BLK: variants seen among roughly 807,000 people sequenced by gnomAD.
BLK encodes the protein tyrosine-protein kinase Blk.
BLK carries 64 observed loss-of-function variants against 61.8 expected under a neutral mutation model. That is an observed-to-expected ratio of 1.03 (90% CI 0.85 to 1.27). The LOEUF is 1.27. Ranked by LOEUF, BLK falls within the 50% of genes most tolerant of loss-of-function variation. The probability of loss-of-function intolerance (pLI) is 0.00; values close to 1 mark genes in which losing one functional copy is unlikely to be tolerated. For synonymous variants in BLK, 351 were observed against 272.0 expected, an observed-to-expected ratio of 1.29 and a Z score of -2.86; for missense variants, 853 against 660.5, an observed-to-expected ratio of 1.29 and a Z score of -3.19.
chr8:11,528,313 G>A (rs988356419), intron 1 of BLK, among the ~76,000 whole-genome samples: 4 of 152,134 alleles, frequency 2.6e-5, no homozygotes, highest in African/African-American at 9.7e-5. Flanking sequence ...TGGAATTACA[G>A]GCATGAGCCA....
intron 1 of BLK, among the ~76,000 whole-genome samples, chr8:11,517,933 G>A (rs1373899508): frequency 1.3e-5 from 2 of 152,192 alleles, no homozygotes; most frequent in African/African-American, 2.4e-5. Context: ...GGGCACCCCA[G>A]CCCTGTGCCC....
chr8:11,548,903 T>C lies in BLK; in HGVS notation c.270-121T>C. On this transcript the variant is annotated intron_variant, in intron 4 of 12. Transcript: ENST00000259089. ...ACAAGCCCCTTCCTGCCTGCCGTAC[T>C]CTCTACCCCTGCGGATTCTCTGCCC... 1.5e-5 allele frequency: 14 copies of C among 904,518 alleles called. 1 individual carries two copies. In the South Asian group the frequency reaches 2.0e-4, roughly 13 times the overall value. The allele number at this position is 904,518 out of a possible 1,614,324, so 56.0% of individuals were successfully genotyped here. A position where few individuals can be genotyped will look rare whatever the true frequency, so the allele number is the denominator to read the frequency against.
At chr8:11,556,169 G>A (rs543012209) in intron 8 of BLK, 12 of 230,284 alleles carry the variant, frequency 5.2e-5, no homozygotes, top group Non-Finnish European at 1.0e-4. Context: ...TGCCCTTCAG[G>A]GGACTTCATG....
chr8:11,514,417 C>T (rs940898857), intron 1 of BLK, among the ~76,000 whole-genome samples: 5 of 152,204 alleles, frequency 3.3e-5, no homozygotes, highest in Admixed American at 6.5e-5. Flanking sequence ...GCAAGAGCCC[C>T]GCAATGGCCT....
At chr8:11,535,883 C>T (rs562083202) in intron 1 of BLK, among the ~76,000 whole-genome samples, 2 of 152,308 alleles carry the variant, frequency 1.3e-5, no homozygotes, top group African/African-American at 4.8e-5. Context: ...TGAACCATCA[C>T]AAGGACGCAA....
intron 1 of BLK, among the ~76,000 whole-genome samples, chr8:11,519,192 G>C (rs1483669445): frequency 1.3e-5 from 2 of 152,158 alleles, no homozygotes; most frequent in African/African-American, 2.4e-5. Context: ...TTGTTCAGGG[G>C]ATAATGGATT....
intron 1 of BLK, among the ~76,000 whole-genome samples, chr8:11,519,870 C>A (rs1799371888): frequency 6.6e-6 from 1 of 152,160 alleles, no homozygotes; most frequent in Non-Finnish European, 1.5e-5. Context: ...TCCCTTGCCG[C>A]CCCCACTATC....
rs542354024 is a variant in BLK at position 11,561,352 on chromosome 8, C to G, written c.1080C>G (p.Asp360Glu). The change falls in exon 11 of 13, where the codon GAC (aspartate) becomes GAG (glutamate). Residue 360 changes from aspartate to glutamate, a missense_variant. Transcript: ENST00000259089. Reference sequence around the variant, plus strand: ...AGCGCATGAATTCCATCCACCGCGACCTGCGGGCGGCCAACATCCTGGTGT... The same window carrying G: ...AGCGCATGAATTCCATCCACCGCGAGCTGCGGGCGGCCAACATCCTGGTGT... ...YIERMNSIHR[D>E]LRAANILVSE... The G allele has an allele frequency of 6.2e-7, 1 of 1,614,146 alleles. No homozygotes were observed.
chr8:11,524,334 G>C (rs80170946), intron 1 of BLK, among the ~76,000 whole-genome samples: 1 of 152,114 alleles, frequency 6.6e-6, no homozygotes, highest in African/African-American at 2.4e-5. Flanking sequence ...TTTTCCATTG[G>C]TGGTAGGGTT....
chr8:11,526,204 C>G (rs1323498769), intron 1 of BLK, among the ~76,000 whole-genome samples: 1 of 152,194 alleles, frequency 6.6e-6, no homozygotes, highest in African/African-American at 2.4e-5. Flanking sequence ...TCTTACCTGG[C>G]TTTCACCTGC....
At chr8:11,519,232 G>C (rs959738746) in intron 1 of BLK, among the ~76,000 whole-genome samples, 1 of 152,106 alleles carries the variant, frequency 6.6e-6, no homozygotes, top group African/African-American at 2.4e-5. Context: ...ACCCTCTCTG[G>C]GACTCCCCTG....
At chr8:11,533,716 A>G (rs1450330633) in intron 1 of BLK, among the ~76,000 whole-genome samples, 1 of 152,042 alleles carries the variant, frequency 6.6e-6, no homozygotes, top group Non-Finnish European at 1.5e-5. Flanking sequence ...GGTCCTCATG[A>G]GGCTCATGTG....
chr8:11,535,448 G>A (rs1299495921), intron 1 of BLK, among the ~76,000 whole-genome samples: 5 of 152,188 alleles, frequency 3.3e-5, no homozygotes, highest in Admixed American at 6.5e-5. Context: ...TTTTCTGAAC[G>A]TGTTTTCTAT....
intron 1 of BLK, among the ~76,000 whole-genome samples, chr8:11,515,785 C>A (rs967748607): frequency 1.3e-5 from 2 of 152,232 alleles, no homozygotes; most frequent in East Asian, 1.9e-4. Flanking sequence ...TTCCTGCAGT[C>A]TGTGTTCTTC....
chr8:11,516,519 G>A (rs1197063469), intron 1 of BLK, among the ~76,000 whole-genome samples: 1 of 152,168 alleles, frequency 6.6e-6, no homozygotes, highest in African/African-American at 2.4e-5. Context: ...TAGGTCTTAT[G>A]CATTTTCTAT....
chr8:11,533,910 A>T (rs1206004832), intron 1 of BLK, among the ~76,000 whole-genome samples: 1 of 152,266 alleles, frequency 6.6e-6, no homozygotes, highest in African/African-American at 2.4e-5. Context: ...AACTGCAGGC[A>T]TTATTTATGG....
chr8:11,557,474 GCTTT>G, intron 9 of BLK, among the ~76,000 whole-genome samples: 1 of 152,218 alleles, frequency 6.6e-6, no homozygotes, highest in Admixed American at 6.5e-5. Context: ...ATCCCTCCCA[GCTTT>G]CTGATTCCAG....
chr8:11,536,269 T>C (rs1188904883), intron 1 of BLK, among the ~76,000 whole-genome samples: 2 of 152,226 alleles, frequency 1.3e-5, no homozygotes, highest in African/African-American at 4.8e-5. Flanking sequence ...TGTTTCCAAG[T>C]TTCATTCATT....
chr8:11,542,829 C>A (rs1333214827), intron 1 of BLK, among the ~76,000 whole-genome samples: 2 of 152,164 alleles, frequency 1.3e-5, no homozygotes, highest in African/African-American at 2.4e-5. Flanking sequence ...ATGTCACTTT[C>A]CCAAGTGACA....
Sources: allele counts gnomAD v4.1 joint callset (sites outside exome capture counted in the v4.1 genomes callset), GRCh38; gene constraint gnomAD v4.1.1; transcripts MANE v1.5; gene names NCBI Gene and HGNC (gene_info 2026-07-23, HGNC 2026-07-21).